Variants in MAK observed in about 807,000 individuals in gnomAD.
The protein encoded by MAK is male germ cell associated kinase.
A neutral mutation model predicts 82.6 loss-of-function variants in MAK; 65 were observed. That is an observed-to-expected ratio of 0.79 (90% confidence interval 0.64 to 0.97). The LOEUF (loss-of-function observed/expected upper bound fraction) is 0.97. Among genes scored for constraint, MAK ranks in the 50% least tolerant of loss-of-function variants. MAK has a pLI of 0.00. For synonymous variants in MAK, 250 were observed against 274.2 expected, an observed-to-expected ratio of 0.91 and a Z score of 0.87; for missense variants, 703 against 780.2, an observed-to-expected ratio of 0.90 and a Z score of 1.18.
Position 10,791,670 on chromosome 6 carries a change from C to A in MAK, c.1316+5G>T. ...AATATTTTTCTGAGGAATTTGAAAT[C>A]TTACCGAAATGGAGAATCTTTTTTC... On this transcript the variant is annotated splice_donor_5th_base_variant and intron_variant, in intron 10 of 14. Coordinates refer to ENST00000354489, the MANE Select transcript of MAK (RefSeq NM_001242957.3). 6.2e-7 allele frequency: 1 copy of A among 1,612,002 alleles called. No individual in the cohort carries two copies. Among genetic ancestry groups the A allele is most frequent in the South Asian group, 1.1e-5 (1 of 90,984 alleles).
intron 1 of MAK, among the ~76,000 whole-genome samples, chr6:10,831,314 C>T (rs1260933535): frequency 6.6e-6 from 1 of 152,120 alleles, no homozygotes; most frequent in Non-Finnish European, 1.5e-5. Flanking sequence ...AAGTATAAAG[C>T]AAACTTTTGT....
chr6:10,830,571 G>T lies in MAK; in HGVS notation c.78C>A (p.Ser26=), dbSNP rs542075413. The T allele has an allele frequency of 6.2e-7, 1 of 1,613,942 alleles. No homozygotes were observed. The highest frequency in any genetic ancestry group is 2.2e-5 in the East Asian group (1 of 44,878). Residue 26 remains serine, a synonymous_variant, in exon 2 of 15, where the codon TCC becomes TCA. Coordinates refer to ENST00000354489, the MANE Select transcript of MAK (RefSeq NM_001242957.3). ...GSVLMGKSNE[S]GELVAIKRMK... ...ACCTTTTGATGGCCACCAGCTCCCC[G>T]GATTCATTACTCTTGCCCATAAGCA... is the stretch of plus-strand genomic sequence containing the variant.
At chr6:10,813,559 G>T in intron 5 of MAK, 85 bp downstream of exon 5, 1 of 808,114 alleles carries the variant, frequency 1.2e-6, no homozygotes. Flanking sequence ...CAATATAACA[G>T]TTATTTAACA....
chr6:10,808,791 C>T lies in MAK; in HGVS notation c.491+19G>A. 1 of 1,612,706 alleles carries T rather than the reference C, an allele frequency of 6.2e-7. No individual in the cohort carries two copies. Among genetic ancestry groups the T allele is most frequent in the Non-Finnish European group, 8.5e-7 (1 of 1,178,852 alleles). Reference sequence around the variant, plus strand: ...ACCATAGGCTTATGCCTCAGGAGGGCTGCATAACCCCTACTCACCATCTGG... The same window carrying T: ...ACCATAGGCTTATGCCTCAGGAGGGTTGCATAACCCCTACTCACCATCTGG... On this transcript the variant is annotated intron_variant, in intron 6 of 14. Transcript: ENST00000354489.
chr6:10,808,689 TA>T, intron 6 of MAK, 120 bp downstream of exon 6: 1 of 1,007,888 alleles, frequency 9.9e-7, no homozygotes, highest in Non-Finnish European at 1.5e-6. Context: ...TTAAAGAATA[TA>T]AAATTCAATT....
chr6:10,779,431 TG>T, intron 11 of MAK: 1 of 985,340 alleles, frequency 1.0e-6, no homozygotes, highest in Non-Finnish European at 1.2e-6. Flanking sequence ...CTATGACTCT[TG>T]CGTCTCTTTC....
chr6:10,821,467 G>A (rs1015225538), intron 2 of MAK, among the ~76,000 whole-genome samples: 5 of 150,956 alleles, frequency 3.3e-5, no homozygotes, highest in Non-Finnish European at 5.9e-5. Flanking sequence ...GTACAGATGC[G>A]GTTTTGCCAT....
chr6:10,833,215 C>T (rs1417101968), intron 1 of MAK, among the ~76,000 whole-genome samples: 3 of 152,180 alleles, frequency 2.0e-5, no homozygotes, highest in Non-Finnish European at 2.9e-5. Flanking sequence ...CAGACATAAA[C>T]GTGCAGAGCA....
chr6:10,779,875 C>G (rs1056721409), intron 11 of MAK, among the ~76,000 whole-genome samples: 12 of 151,976 alleles, frequency 7.9e-5, no homozygotes, highest in African/African-American at 2.9e-4. Context: ...TTAGTAGAGA[C>G]GGGGTTTCAT....
intron 5 of MAK, among the ~76,000 whole-genome samples, chr6:10,811,439 C>G (rs1776925277): frequency 1.3e-5 from 2 of 152,262 alleles, no homozygotes; most frequent in African/African-American, 4.8e-5. Context: ...ACTCTACAGT[C>G]AACTGTTGAT....
At position 10,830,425 on chromosome 6, in the gene MAK, A is replaced by G; in HGVS notation, c.101+123T>C. 5 of 799,720 alleles carry G rather than the reference A, an allele frequency of 6.3e-6. 1 individual carries two copies. The highest frequency in any genetic ancestry group is 1.1e-5 in the Non-Finnish European group (5 of 455,820). 49.5% of individuals were successfully genotyped at this position (799,720 alleles called of 1,614,324 possible). ...ATGATCCGCCCGCCTCGGCCTCCCA[A>G]AGTGCTGGGATTACAGGCATGAGCC... is the stretch of plus-strand genomic sequence containing the variant. On this transcript the variant is annotated intron_variant, in intron 2 of 14. Coordinates refer to ENST00000354489, the MANE Select transcript of MAK (RefSeq NM_001242957.3).
intron 10 of MAK, among the ~76,000 whole-genome samples, chr6:10,789,199 C>T (rs1774863243): frequency 6.6e-6 from 1 of 151,554 alleles, no homozygotes; most frequent in Admixed American, 6.6e-5. Context: ...AGCATATGCA[C>T]TCCTTAGAGA....
rs540144059 is a variant in MAK at position 10,803,895 on chromosome 6, T to C, written c.492-4A>G. ...TAAAACTTCAGGGGCACGATACCTA[T>C]GAAAATAGAGAACAAAAGAGGTAAT... On this transcript the variant is annotated splice_region_variant and splice_polypyrimidine_tract_variant and intron_variant, in intron 6 of 14. Transcript: ENST00000354489. 18 of 1,613,714 alleles carry C rather than the reference T, an allele frequency of 1.1e-5. No homozygotes were observed. The African/African-American group carries it at 2.3e-4, about 20-fold the overall frequency.
chr6:10,807,124 T>G (rs1776530108), intron 6 of MAK, among the ~76,000 whole-genome samples: 1 of 151,914 alleles, frequency 6.6e-6, no homozygotes, highest in African/African-American at 2.4e-5. Context: ...CATTCTGCAC[T>G]GTGCAGAATT....
chr6:10,833,940 GTC>G (rs934186072), intron 1 of MAK, among the ~76,000 whole-genome samples: 1 of 152,104 alleles, frequency 6.6e-6, no homozygotes, highest in Non-Finnish European at 1.5e-5. Context: ...GAGAAAGGCA[GTC>G]TCTCTCTCTG....
intron 8 of MAK, among the ~76,000 whole-genome samples, chr6:10,798,186 T>C (rs1306423395): frequency 2.0e-5 from 3 of 150,804 alleles, no homozygotes; most frequent in Non-Finnish European, 4.4e-5. Flanking sequence ...GGCACGATCT[T>C]GGCTCACTGC....
At chr6:10,820,993 G>A (rs1777899533) in intron 2 of MAK, among the ~76,000 whole-genome samples, 1 of 152,018 alleles carries the variant, frequency 6.6e-6, no homozygotes, top group Non-Finnish European at 1.5e-5. Context: ...CTGTCACCCA[G>A]ACTGGAGTGC....
intron 1 of MAK, among the ~76,000 whole-genome samples, chr6:10,835,821 C>A (rs994069378): frequency 6.6e-6 from 1 of 152,168 alleles, no homozygotes; most frequent in Non-Finnish European, 1.5e-5. Context: ...AAATCACCTT[C>A]ATTGGCCCAA....
chr6:10,799,215 A>G (rs997674972), intron 8 of MAK, among the ~76,000 whole-genome samples: 2 of 152,220 alleles, frequency 1.3e-5, no homozygotes, highest in African/African-American at 4.8e-5. Flanking sequence ...GATTGTCTTC[A>G]AGGCTCTTTT....
Sources: allele counts gnomAD v4.1 joint callset (sites outside exome capture counted in the v4.1 genomes callset), GRCh38; gene constraint gnomAD v4.1.1; transcripts MANE v1.5; gene names NCBI Gene and HGNC (gene_info 2026-07-23, HGNC 2026-07-21).